The following MYO16 variants were observed in gnomAD, a reference collection of about 807,000 sequenced individuals.
MYO16 encodes unconventional myosin-XVI.
Under a neutral mutation model 205.3 loss-of-function variants are expected in MYO16, and 94 were observed. The ratio of observed to expected loss-of-function variants is 0.46; its 90% confidence interval spans 0.39 to 0.54. MYO16 has a LOEUF of 0.54. Ranked by LOEUF, MYO16 falls within the 20% of genes least tolerant of loss-of-function variation. The pLI, the probability that MYO16 is intolerant of heterozygous loss-of-function variation, is 0.00. For missense variants in MYO16, 2,315 were observed against 2,387.5 expected, an observed-to-expected ratio of 0.97 and a Z score of 0.63; for synonymous variants, 988 against 954.0, an observed-to-expected ratio of 1.04 and a Z score of -0.66.
chr13:108,806,528 TA>T, intron 6 of MYO16, 150 bp from the exon 7 acceptor site: 1 of 547,532 alleles, frequency 1.8e-6, no homozygotes, highest in Non-Finnish European at 3.1e-6. Context: ...TTATACCAAA[TA>T]AATAAAATTG....
intron 34 of MYO16, among the ~76,000 whole-genome samples, chr13:109,195,705 A>T (rs1880125816): frequency 6.6e-6 from 1 of 152,190 alleles, no homozygotes; most frequent in Non-Finnish European, 1.5e-5. Context: ...GTGAATAGTC[A>T]ATAGAAAAAT....
upstream of MYO16, chr13:108,629,459 AAGCCATTAACAG>A: frequency 5.6e-6 from 1 of 177,524 alleles, no homozygotes; most frequent in Admixed American, 6.1e-5. Flanking sequence ...AGCTATTGAA[AAGCCATTAACAG>A]GCAGGACCGG....
intron 23 of MYO16, among the ~76,000 whole-genome samples, chr13:109,021,820 A>G (rs1886031689): frequency 6.6e-6 from 1 of 152,072 alleles, no homozygotes; most frequent in Non-Finnish European, 1.5e-5. Flanking sequence ...CTCACGAAGT[A>G]TTTTTAGACA....
intron 21 of MYO16, among the ~76,000 whole-genome samples, chr13:109,003,922 T>C (rs1885305415): frequency 6.6e-6 from 1 of 152,072 alleles, no homozygotes; most frequent in South Asian, 2.1e-4. Context: ...TATGTTAGAG[T>C]CATCAATGTC....
In MYO16 at chr13:109,012,812, G is replaced by A. The variant is rs1885648390; in HGVS notation, c.2595+3763G>A. Among the ~76,000 whole-genome samples the A allele has an allele frequency of 2.7e-5, 4 of 149,318 alleles. No homozygotes were observed. In the South Asian group the frequency reaches 8.5e-4, roughly 32 times the overall value. On this transcript the variant is annotated intron_variant, in intron 22 of 34. Coordinates refer to ENST00000457511, the MANE Select transcript of MYO16 (RefSeq NM_001198950.3). ...ATATATATATATGTATATGATTTTA[G>A]TTTTATTGTTCAGTAGTTATAAACT...
At chr13:108,975,129 G>T (rs1033862107) in intron 20 of MYO16, among the ~76,000 whole-genome samples, 1 of 151,614 alleles carries the variant, frequency 6.6e-6, no homozygotes, top group Non-Finnish European at 1.5e-5. Context: ...TGGTATGCTT[G>T]CTAAGTACAA....
intron 12 of MYO16, 34 bp from the exon 13 acceptor site, chr13:108,883,025 G>A: frequency 1.2e-6 from 2 of 1,609,114 alleles, no homozygotes; most frequent in Non-Finnish European, 1.7e-6. Flanking sequence ...CCTTTTCACT[G>A]AGGTTTTCCC....
At chr13:109,179,084 C>T (rs1487411481) in intron 33 of MYO16, among the ~76,000 whole-genome samples, 2 of 152,138 alleles carry the variant, frequency 1.3e-5, no homozygotes, top group Non-Finnish European at 2.9e-5. Flanking sequence ...CAGTGGAATT[C>T]ATCAGACACA....
In MYO16 at chr13:108,898,132, A is replaced by G. The variant is rs775969040; in HGVS notation, c.1776A>G (p.Gly592=). The G allele has an allele frequency of 2.0e-5, 32 of 1,600,918 alleles. No individual in the cohort carries two copies. In the Middle Eastern group the frequency reaches 8.2e-4, roughly 41 times the overall value. Residue 592 remains glycine (G), a splice_region_variant and synonymous_variant, in exon 15 of 35, where the codon GGA becomes GGG. Coordinates refer to ENST00000457511, the MANE Select transcript of MYO16 (RefSeq NM_001198950.3). ...QFCERKQQLT[G]ARIYTYLLEK... is the part of the protein sequence containing the mutation. ...GTGAGAGGAAACAACAGCTAACCGG[A>G]GGTAAGTGCAGTATTTGACAACGTG...
chr13:108,805,924 C>CT (rs1887097699), intron 6 of MYO16, among the ~76,000 whole-genome samples: 1 of 30,760 alleles, frequency 3.3e-5, no homozygotes, highest in Non-Finnish European at 9.0e-5. Flanking sequence ...TAGTCTCTAC[C>CT]AAAATAAATA....
chr13:108,574,821 G>A, the MYO16 span, among the ~76,000 whole-genome samples: 3 of 152,076 alleles, frequency 2.0e-5, no homozygotes, highest in Admixed American at 6.6e-5. Context: ...TCACAACAGG[G>A]TCAAAGTTTG....
chr13:108,544,842 A>G, the MYO16 span, among the ~76,000 whole-genome samples: 1 of 152,162 alleles, frequency 6.6e-6, no homozygotes, highest in Non-Finnish European at 1.5e-5. Context: ...AAGAGAGAAC[A>G]TGCCATGCAA....
chr13:108,851,290 C>A (rs774987341), intron 10 of MYO16, among the ~76,000 whole-genome samples: 2 of 152,258 alleles, frequency 1.3e-5, no homozygotes, highest in Middle Eastern at 3.4e-3. Flanking sequence ...TACATGCATA[C>A]GTGCATGCCT....
chr13:109,142,878 G>T (rs275950), intron 32 of MYO16, among the ~76,000 whole-genome samples: 91,480 of 151,886 alleles, frequency 0.6, 28,013 homozygotes, highest in Middle Eastern at 0.66. Flanking sequence ...TACTTTTGTT[G>T]TCGTTAAATC....
At chr13:109,128,329 G>C (rs868486295) in intron 31 of MYO16, among the ~76,000 whole-genome samples, 1 of 152,212 alleles carries the variant, frequency 6.6e-6, no homozygotes, top group Non-Finnish European at 1.5e-5. Flanking sequence ...GATTGTTGCT[G>C]CTGAGAGAAA....
chr13:109,186,488 G>T (rs1879695719), intron 34 of MYO16, among the ~76,000 whole-genome samples: 2 of 152,124 alleles, frequency 1.3e-5, no homozygotes, highest in Admixed American at 6.5e-5. Context: ...GATCGATGAT[G>T]CTCTGTGCTC....
chr13:109,195,379 C>A (rs1198927653), intron 34 of MYO16, among the ~76,000 whole-genome samples: 2 of 152,028 alleles, frequency 1.3e-5, no homozygotes, highest in Admixed American at 1.3e-4. Flanking sequence ...TTTAAAACAC[C>A]ACAAGTGCTA....
intron 23 of MYO16, among the ~76,000 whole-genome samples, chr13:109,025,468 G>A (rs763729757): frequency 3.9e-5 from 6 of 152,146 alleles, no homozygotes; most frequent in Non-Finnish European, 8.8e-5. Context: ...TAAATGGGAA[G>A]AGGCCGTACA....
At chr13:108,528,582 C>CCCTCTCCTCTCCTCTCTTCT in the MYO16 span, among the ~76,000 whole-genome samples, 1 of 17,800 alleles carries the variant, frequency 5.6e-5, no homozygotes, top group Non-Finnish European at 1.2e-4. Flanking sequence ...CCCTCCCCTC[C>CCCTCTCCTCTCCTCTCTTCT]CCTTTCCCCT....
Sources: gnomAD v4.1 joint callset for allele counts (sites outside exome capture counted in the v4.1 genomes callset) on GRCh38, gnomAD v4.1.1 for gene constraint, MANE v1.5 for transcripts, NCBI Gene and HGNC (gene_info 2026-07-23, HGNC 2026-07-21) for gene names.